Variants in NPSR1 observed in about 807,000 individuals in gnomAD.
NPSR1 encodes neuropeptide S receptor 1.
NPSR1 carries 48 observed loss-of-function variants against 46.9 expected under a neutral mutation model. That is an observed-to-expected ratio of 1.02 (90% CI 0.81 to 1.30). The LOEUF is 1.30. NPSR1 is among the 50% of genes most tolerant of loss of function. The pLI is 0.00. For synonymous variants in NPSR1, 176 were observed against 168.1 expected (o/e 1.05, Z -0.36); for missense variants, 450 against 449.5 (o/e 1.00, Z -0.01).
At chr7:34,740,177 GA>G (rs1784874262) in intron 2 of NPSR1, among the ~76,000 whole-genome samples, 1 of 151,928 alleles carries the variant, frequency 6.6e-6, no homozygotes, top group Non-Finnish European at 1.5e-5. Context: ...CATTGTCAGG[GA>G]AGTTGGGGAA....
chr7:34,780,494 G>C (rs951368896), intron 3 of NPSR1, among the ~76,000 whole-genome samples: 1 of 152,064 alleles, frequency 6.6e-6, no homozygotes, highest in Non-Finnish European at 1.5e-5. Context: ...AAGGAAGCAA[G>C]AAAATTGGCA....
chr7:34,763,695 C>T (rs1183000507), intron 2 of NPSR1, among the ~76,000 whole-genome samples: 1 of 152,082 alleles, frequency 6.6e-6, no homozygotes, highest in Non-Finnish European at 1.5e-5. Flanking sequence ...AAAGAGCTTC[C>T]CACACCAATG....
At chr7:34,705,463 A>C (rs1794058009) in intron 2 of NPSR1, among the ~76,000 whole-genome samples, 1 of 151,488 alleles carries the variant, frequency 6.6e-6, no homozygotes, top group Non-Finnish European at 1.5e-5. Flanking sequence ...GAGAGAAAAG[A>C]AAAGCCTTTC....
intron 8 of NPSR1, among the ~76,000 whole-genome samples, chr7:34,874,821 A>G (rs1791539394): frequency 6.6e-6 from 1 of 152,158 alleles, no homozygotes; most frequent in African/African-American, 2.4e-5. Flanking sequence ...CCAGCAGGCC[A>G]TGTTGGTTCC....
In NPSR1 at chr7:34,751,906, G is replaced by A. The variant is rs187727439; in HGVS notation, c.281-26556G>A. On this transcript the variant is annotated intron_variant, in intron 2 of 8. Transcript: ENST00000360581. ...ACAAAGCCTTTCGGGACCGTCTCCC[G>A]CAGTCACTCAAACAACTTGTGTTCC... The A allele has an allele frequency of 2.1e-4, 304 of 1,468,712 alleles. No individual in the cohort carries two copies. The African/African-American group carries it at 3.0e-3, about 15-fold the overall frequency. The allele number at this position is 1,468,712 out of a possible 1,614,324, so 91.0% of individuals were successfully genotyped here. A position where few individuals can be genotyped will look rare whatever the true frequency, so the allele number is the denominator to read the frequency against.
At chr7:34,660,832 C>T (rs1047757901) in intron 1 of NPSR1, among the ~76,000 whole-genome samples, 3 of 152,078 alleles carry the variant, frequency 2.0e-5, no homozygotes, top group Admixed American at 6.5e-5. Flanking sequence ...TTGCTTCCTC[C>T]ATGAAGCCCT....
chr7:34,660,316 T>C (rs1791393057), intron 1 of NPSR1, among the ~76,000 whole-genome samples: 1 of 152,236 alleles, frequency 6.6e-6, no homozygotes. Flanking sequence ...CTGTGATTTT[T>C]AGTTACACAG....
intron 6 of NPSR1, among the ~76,000 whole-genome samples, chr7:34,844,043 G>A (rs1388882893): frequency 6.6e-6 from 1 of 152,238 alleles, no homozygotes; most frequent in Admixed American, 6.5e-5. Flanking sequence ...GGTGGCATAT[G>A]GGCTGGTGGA....
intron 2 of NPSR1, among the ~76,000 whole-genome samples, chr7:34,685,480 T>C (rs867097799): frequency 9.2e-5 from 14 of 151,694 alleles, no homozygotes; most frequent in South Asian, 4.2e-4. Flanking sequence ...TATATTAGCT[T>C]AATTTGGATC....
At chr7:34,670,219 T>C (rs1791979190) in intron 1 of NPSR1, among the ~76,000 whole-genome samples, 1 of 152,182 alleles carries the variant, frequency 6.6e-6, no homozygotes, top group Non-Finnish European at 1.5e-5. Flanking sequence ...TATTAATAAA[T>C]GTATATCCAC....
chr7:34,714,076 C>T (rs1378916428), intron 2 of NPSR1, among the ~76,000 whole-genome samples: 1 of 152,266 alleles, frequency 6.6e-6, no homozygotes, highest in Non-Finnish European at 1.5e-5. Context: ...CCAGAAATGG[C>T]TTGACTGGCA....
chr7:34,709,416 G>A (rs1244494495), intron 2 of NPSR1, among the ~76,000 whole-genome samples: 1 of 152,060 alleles, frequency 6.6e-6, no homozygotes. Flanking sequence ...TACTGTTCTT[G>A]GACAATAACA....
chr7:34,684,822 C>A, intron 2 of NPSR1, 138 bp downstream of exon 2: 1 of 716,118 alleles, frequency 1.4e-6, no homozygotes, highest in Non-Finnish European at 2.2e-6. Context: ...GAATATAAAA[C>A]CTATATTTGA....
intron 8 of NPSR1, among the ~76,000 whole-genome samples, chr7:34,876,697 C>G (rs1395638440): frequency 1.3e-5 from 2 of 152,174 alleles, no homozygotes; most frequent in Non-Finnish European, 2.9e-5. Flanking sequence ...ACTCTCTAAT[C>G]ATGGAAATGG....
intron 5 of NPSR1, 93 bp from the exon 6 acceptor site, chr7:34,834,291 C>T (rs1444088859): frequency 1.1e-6 from 1 of 892,976 alleles, no homozygotes; most frequent in Non-Finnish European, 1.9e-6. Context: ...TCCCTTCACA[C>T]CTTGCACTCG....
At chr7:34,812,304 T>A (rs2128751105) in intron 4 of NPSR1, among the ~76,000 whole-genome samples, 1 of 152,308 alleles carries the variant, frequency 6.6e-6, no homozygotes, top group Non-Finnish European at 1.5e-5. Flanking sequence ...GGAAAGATGT[T>A]TTTAATTGAT....
chr7:34,746,517 G>A (rs1036961724), intron 2 of NPSR1, among the ~76,000 whole-genome samples: 5 of 152,120 alleles, frequency 3.3e-5, no homozygotes, highest in African/African-American at 9.7e-5. Flanking sequence ...TCTGCAGTTG[G>A]AACTCTTCAA....
intron 8 of NPSR1, among the ~76,000 whole-genome samples, chr7:34,869,916 C>T (rs1355469624): frequency 6.6e-6 from 1 of 151,740 alleles, no homozygotes; most frequent in Non-Finnish European, 1.5e-5. Flanking sequence ...TTGAAATCAA[C>T]CTGGGTGGGA....
chr7:34,831,774 A>AT (rs1293979999), intron 5 of NPSR1, among the ~76,000 whole-genome samples: 6 of 151,750 alleles, frequency 4.0e-5, no homozygotes, highest in Non-Finnish European at 7.4e-5. Context: ...TACCTAATTG[A>AT]TTTTTCATTC....
Sources: allele counts gnomAD v4.1 joint callset (sites outside exome capture counted in the v4.1 genomes callset), GRCh38; gene constraint gnomAD v4.1.1; transcripts MANE v1.5; gene names NCBI Gene and HGNC (gene_info 2026-07-23, HGNC 2026-07-21).